Variants in VAC14 observed in about 807,000 individuals in gnomAD.
VAC14 encodes the protein protein VAC14 homolog.
VAC14 carries 47 observed loss-of-function variants against 85.3 expected under a neutral mutation model. That is an observed-to-expected ratio of 0.55 (90% CI 0.44 to 0.70). The LOEUF (loss-of-function observed/expected upper bound fraction) is 0.70. Ranked by LOEUF, VAC14 falls within the 30% of genes least tolerant of loss-of-function variation. The probability of loss-of-function intolerance (pLI) is 0.00; values close to 1 mark genes in which losing one functional copy is unlikely to be tolerated. For missense variants in VAC14, 861 were observed against 1,004.3 expected, an observed-to-expected ratio of 0.86 and a Z score of 1.93; for synonymous variants, 447 against 430.5, an observed-to-expected ratio of 1.04 and a Z score of -0.47.
rs869104455 is a variant in VAC14 at position 70,771,590 on chromosome 16, C to CT, written c.1160+518dup. The CT allele has an allele frequency of 6.5e-3, 911 of 141,146 alleles. 4 individuals are homozygous for CT. The highest frequency in any genetic ancestry group is 0.02 in the African/African-American group (770 of 38,498). 8.7% of individuals were successfully genotyped at this position (141,146 alleles called of 1,614,324 possible). A position where few individuals can be genotyped will look rare whatever the true frequency, so the allele number is the denominator to read the frequency against. ...AAGAACAATCCATTTTCTTTCATTC[C>CT]TTTTTTTTTTTTTTAAGACATGGTC... On this transcript the variant is annotated intron_variant, in intron 10 of 18. Coordinates refer to ENST00000261776, the MANE Select transcript of VAC14 (RefSeq NM_018052.5).
At chr16:70,709,963 C>T (rs11641739) in intron 14 of VAC14, among the ~76,000 whole-genome samples, 74,436 of 151,992 alleles carry the variant, frequency 0.49, 18,606 homozygotes, top group African/African-American at 0.51. Flanking sequence ...CTTTGAAGCC[C>T]TCTGGGCTTG....
In VAC14 at chr16:70,697,128, A is replaced by T; in HGVS notation, c.1955+11T>A. On this transcript the variant is annotated intron_variant, in intron 16 of 18. Transcript: ENST00000261776. ...GAGGCTCAACCCCAACCACAGTGAG[A>T]GGAAGGATACAACTTCTGGATGAGG... The T allele has an allele frequency of 6.2e-7, 1 of 1,607,248 alleles. No individual in the cohort carries two copies. The highest frequency in any genetic ancestry group is 8.5e-7 in the Non-Finnish European group (1 of 1,174,158).
At chr16:70,710,513 G>A (rs898743249) in intron 14 of VAC14, among the ~76,000 whole-genome samples, 1 of 152,340 alleles carries the variant, frequency 6.6e-6, no homozygotes, top group Middle Eastern at 3.4e-3. Flanking sequence ...GAGCTACTCC[G>A]GCCCCAACAA....
rs1445111283 is a variant in VAC14, at chr16:70,744,280, C to T, written c.1528+143G>A. 5 of 1,238,548 alleles carry T rather than the reference C, an allele frequency of 4.0e-6. No homozygotes were observed. The African/African-American group carries it at 7.7e-5, about 19-fold the overall frequency. The allele number at this position is 1,238,548 out of a possible 1,614,324, so 76.7% of individuals were successfully genotyped here. A position where few individuals can be genotyped will look rare whatever the true frequency, so the allele number is the denominator to read the frequency against. On this transcript the variant is annotated intron_variant, in intron 13 of 18. Coordinates refer to ENST00000261776, the MANE Select transcript of VAC14 (RefSeq NM_018052.5). The stretch of plus-strand genomic sequence containing the variant: ...TGGGCGGTCTTGAGGTGGGAGATCG[C>T]CAGTAGCAACCCACAGACCCCTCAC...
At chr16:70,704,871 C>A (rs1189636372) in intron 14 of VAC14, among the ~76,000 whole-genome samples, 1 of 152,176 alleles carries the variant, frequency 6.6e-6, no homozygotes, top group African/African-American at 2.4e-5. Flanking sequence ...TGGCTCCCTG[C>A]CGTGCTCCGC....
rs1308433252 is a variant in VAC14 at position 70,780,912 on chromosome 16, T to C, written c.974A>G (p.Asn325Ser). ...GGTGACCAGCTTCATCAGGCTCTGG[T>C]TGCACACGTTGGCCACTTCTTTGAT... ...KSIKEVANVC[N>S]QSLMKLVTPE... is the part of the protein sequence containing the mutation. The change falls in exon 9 of 19, where the codon AAC becomes AGC. Residue 325 changes from asparagine to serine, a missense_variant. By Grantham distance (46) the Asn-to-Ser change is conservative. Coordinates refer to ENST00000261776, the MANE Select transcript of VAC14 (RefSeq NM_018052.5). 2 of 1,614,066 alleles carry C rather than the reference T, an allele frequency of 1.2e-6. No individual in the cohort carries two copies. Among genetic ancestry groups the C allele is most frequent in the Admixed American group, 1.7e-5 (1 of 59,992 alleles).
At chr16:70,789,503 T>C (rs1381019617) in intron 1 of VAC14, among the ~76,000 whole-genome samples, 4 of 152,194 alleles carry the variant, frequency 2.6e-5, no homozygotes, top group South Asian at 2.1e-4. Flanking sequence ...TGCTCACATC[T>C]GGGGCATTGG....
At chr16:70,692,726 C>A in intron 18 of VAC14, 95 bp downstream of exon 18, 1 of 1,499,956 alleles carries the variant, frequency 6.7e-7, no homozygotes. Context: ...GTGAGGGAGG[C>A]CTCAGCAGCC....
intron 14 of VAC14, among the ~76,000 whole-genome samples, chr16:70,709,914 G>A (rs2053994586): frequency 6.6e-6 from 1 of 152,192 alleles, no homozygotes; most frequent in East Asian, 1.9e-4. Flanking sequence ...GGGGCCTCCT[G>A]GGCTCTGCTG....
Position 70,697,150 on chromosome 16 carries a change from G to A in VAC14, c.1944C>T (p.Leu648=), listed in dbSNP as rs1282000558. The change falls in exon 16 of 19, where the codon CTC becomes CTT. Residue 648 remains leucine (L), a synonymous_variant. Coordinates refer to ENST00000261776, the MANE Select transcript of VAC14 (RefSeq NM_018052.5). ...LTQNYRHAYD[L]IQKFGDLEVT... ...GAGAGGAAGGATACAACTTCTGGATGAGGTCATAGGCGTGCCGGTAGTTCT... is the reference window on the plus strand; with the variant it reads ...GAGAGGAAGGATACAACTTCTGGATAAGGTCATAGGCGTGCCGGTAGTTCT... 8 of 1,613,400 alleles carry A rather than the reference G, an allele frequency of 5.0e-6. No individual in the cohort carries two copies. The highest frequency in any genetic ancestry group is 2.2e-5 in the East Asian group (1 of 44,870).
intron 9 of VAC14, chr16:70,779,199 T>C (rs1331776056): frequency 6.6e-6 from 1 of 152,200 alleles, no homozygotes; most frequent in Non-Finnish European, 1.5e-5. Flanking sequence ...CTGAGATGGG[T>C]CCAGCATGGA....
chr16:70,734,096 A>G (rs1223490285), intron 13 of VAC14, among the ~76,000 whole-genome samples: 1 of 152,226 alleles, frequency 6.6e-6, no homozygotes, highest in Non-Finnish European at 1.5e-5. Flanking sequence ...TGCTGGGATT[A>G]CAAGTGTGAG....
In VAC14 at chr16:70,693,392, C is replaced by T. The variant is rs561618454; in HGVS notation, c.2036-421G>A. ...AACATATTCTCCAGTTGGCTCCACACGTGCCAGCACGGGAGAGCTATAAAT... is the reference window on the plus strand; with the variant it reads ...AACATATTCTCCAGTTGGCTCCACATGTGCCAGCACGGGAGAGCTATAAAT... On this transcript the variant is annotated intron_variant, in intron 17 of 18. Transcript: ENST00000261776. Among the ~76,000 whole-genome samples, 435 of 152,334 alleles carry T rather than the reference C, an allele frequency of 2.9e-3. 7 individuals are homozygous for T. Among genetic ancestry groups the T allele is most frequent in the African/African-American group, 9.6e-3 (399 of 41,574 alleles).
At chr16:70,731,421 G>C (rs1567547001) in intron 14 of VAC14, 74 bp downstream of exon 14, 2 of 1,557,124 alleles carry the variant, frequency 1.3e-6, no homozygotes, top group Non-Finnish European at 1.7e-6. Flanking sequence ...TGGCTGCTTT[G>C]ACACTTGAAT....
In VAC14 at chr16:70,763,162, G is replaced by A. The variant is rs968372360; in HGVS notation, c.1161-137C>T. 8 of 1,252,084 alleles carry A rather than the reference G, an allele frequency of 6.4e-6. No homozygotes were observed. The African/African-American group carries it at 7.5e-5, about 12-fold the overall frequency. 77.6% of individuals were successfully genotyped at this position (1,252,084 alleles called of 1,614,324 possible). On this transcript the variant is annotated intron_variant, in intron 10 of 18. Transcript: ENST00000261776. ...CCGTCTAGGGGGATCGGGGGTCAGG[G>A]ATAACCTGATCCCACACATCCTTGC... is the stretch of plus-strand genomic sequence containing the variant.
intron 12 of VAC14, among the ~76,000 whole-genome samples, chr16:70,748,146 G>A (rs964942160): frequency 2.0e-5 from 3 of 152,192 alleles, no homozygotes; most frequent in Admixed American, 1.3e-4. Context: ...ACCTGAGCCT[G>A]CTGATAACAC....
rs189443157 is a variant in VAC14, at chr16:70,694,011, C to T, written c.2036-1040G>A. Among the ~76,000 whole-genome samples, 395 of 152,324 alleles carry T rather than the reference C, an allele frequency of 2.6e-3. 1 individual carries two copies. Among genetic ancestry groups the T allele is most frequent in the Non-Finnish European group, 4.6e-3 (316 of 68,018 alleles). On this transcript the variant is annotated intron_variant, in intron 17 of 18. Transcript: ENST00000261776. ...TAGGCCTGGCTGCCCAGCAGAAGCG[C>T]GAGCCTGTTTCCAGTCCTTTCTTCC...
chr16:70,744,719 T>A, intron 12 of VAC14, 140 bp from the exon 13 acceptor site: 1 of 981,688 alleles, frequency 1.0e-6, no homozygotes, highest in Non-Finnish European at 1.4e-6. Flanking sequence ...GAAGAGCCAC[T>A]AAGGCCACAG....
chr16:70,789,089 G>A lies in VAC14; in HGVS notation c.105-2724C>T, dbSNP rs527236931. On this transcript the variant is annotated intron_variant, in intron 1 of 18. Coordinates refer to ENST00000261776, the MANE Select transcript of VAC14 (RefSeq NM_018052.5). ...AACACAGTTTAACACAAGACTAAAC[G>A]CAGAATGTGGTGGGAGGACTCAAAC... Among the ~76,000 whole-genome samples, 3 of 152,298 alleles carry A rather than the reference G, an allele frequency of 2.0e-5. No homozygotes were observed. The East Asian group carries it at 5.8e-4, about 29-fold the overall frequency.
Sources: allele counts gnomAD v4.1 joint callset (sites outside exome capture counted in the v4.1 genomes callset), GRCh38; gene constraint gnomAD v4.1.1; transcripts MANE v1.5; gene names NCBI Gene and HGNC (gene_info 2026-07-23, HGNC 2026-07-21).